Variants in ACACB observed in about 807,000 individuals in gnomAD.
ACACB encodes acetyl-CoA carboxylase beta, also known as acetyl-CoA carboxylase 2.
Under a neutral mutation model 278.8 loss-of-function variants are expected in ACACB, and 209 were observed. The ratio of observed to expected loss-of-function variants is 0.75; its 90% CI spans 0.67 to 0.84. The LOEUF is 0.84. ACACB is among the 40% of genes least tolerant of loss of function. The pLI, the probability that ACACB is intolerant of heterozygous loss-of-function variation, is 0.00. For missense variants in ACACB, 2,850 were observed against 3,269.0 expected, an observed-to-expected ratio of 0.87 and a Z score of 3.13; for synonymous variants, 1,174 against 1,285.6, an observed-to-expected ratio of 0.91 and a Z score of 1.86.
intron 19 of ACACB, among the ~76,000 whole-genome samples, chr12:109,204,097 G>A (rs187154789): frequency 1.3e-5 from 2 of 151,954 alleles, no homozygotes; most frequent in East Asian, 1.9e-4. Context: ...TGATCTTTTG[G>A]TATAGGCATA....
At chr12:109,210,220 C>CGTGTGTAT (rs1565927156) in intron 21 of ACACB, among the ~76,000 whole-genome samples, 1 of 30,620 alleles carries the variant, frequency 3.3e-5, no homozygotes, top group East Asian at 1.1e-3. Flanking sequence ...TATATACACA[C>CGTGTGTAT]ATGTGTGTAT....
upstream of ACACB, chr12:109,113,495 C>T (rs979902188): frequency 2.0e-5 from 3 of 152,198 alleles, no homozygotes; most frequent in Admixed American, 6.5e-5. Context: ...GTACTGGAAA[C>T]GTCCAGTTAT....
intron 4 of ACACB, among the ~76,000 whole-genome samples, chr12:109,168,428 A>G (rs1320633028): frequency 1.3e-5 from 2 of 152,180 alleles, no homozygotes; most frequent in East Asian, 3.9e-4. Flanking sequence ...TTTCCTGAAC[A>G]GTCTTATCCT....
intron 50 of ACACB, 104 bp from the exon 51 acceptor site, chr12:109,265,006 G>C: frequency 7.6e-7 from 1 of 1,307,562 alleles, no homozygotes; most frequent in Admixed American, 2.3e-5. Context: ...AATGATCTCA[G>C]AGCCTGGGCC....
chr12:109,140,932 T>A (rs902177082), intron 2 of ACACB, among the ~76,000 whole-genome samples: 1 of 144,962 alleles, frequency 6.9e-6, no homozygotes, highest in Admixed American at 7.0e-5. Context: ...GGTCTTACTC[T>A]GTCACTCTGT....
intron 45 of ACACB, among the ~76,000 whole-genome samples, chr12:109,258,020 CA>C (rs2136810975): frequency 6.6e-6 from 1 of 152,356 alleles, no homozygotes; most frequent in African/African-American, 2.4e-5. Flanking sequence ...TCTAGTGGTT[CA>C]TGCTGCTCCA....
At chr12:109,149,334 G>T (rs1176997449) in intron 2 of ACACB, among the ~76,000 whole-genome samples, 1 of 152,186 alleles carries the variant, frequency 6.6e-6, no homozygotes, top group Non-Finnish European at 1.5e-5. Context: ...TCAGGGGCCA[G>T]ACTGGACACT....
At chr12:109,260,399 G>C in intron 47 of ACACB, 81 bp from the exon 48 acceptor site, 1 of 1,556,162 alleles carries the variant, frequency 6.4e-7, no homozygotes, top group Admixed American at 1.7e-5. Flanking sequence ...ACTCTCCCAG[G>C]ACCCCCAGGA....
intron 2 of ACACB, among the ~76,000 whole-genome samples, chr12:109,146,023 TA>T (rs770794041): frequency 6.6e-6 from 1 of 152,054 alleles, no homozygotes; most frequent in Non-Finnish European, 1.5e-5. Flanking sequence ...AAAAAATTAT[TA>T]TTATTTTTTC....
chr12:109,191,058 G>A (rs1490517995), intron 13 of ACACB, among the ~76,000 whole-genome samples: 3 of 151,916 alleles, frequency 2.0e-5, no homozygotes, highest in Non-Finnish European at 2.9e-5. Flanking sequence ...TTCAATTCTC[G>A]AACACCCTCA....
At chr12:109,152,005 G>A (rs544555102) in intron 2 of ACACB, among the ~76,000 whole-genome samples, 2 of 152,268 alleles carry the variant, frequency 1.3e-5, no homozygotes, top group East Asian at 3.9e-4. Flanking sequence ...AAAATGCAAG[G>A]TCATGATCAC....
At chr12:109,238,419 T>A (rs1239293138) in intron 34 of ACACB, among the ~76,000 whole-genome samples, 2 of 138,532 alleles carry the variant, frequency 1.4e-5, no homozygotes, top group Non-Finnish European at 3.1e-5. Context: ...TATATAATAA[T>A]ATATATAATA....
intron 9 of ACACB, among the ~76,000 whole-genome samples, chr12:109,176,580 T>C (rs2044290463): frequency 1.3e-5 from 2 of 152,212 alleles, no homozygotes; most frequent in South Asian, 4.1e-4. Context: ...ATTTTATAAA[T>C]ATTAGTACTC....
At chr12:109,210,181 A>G (rs2045711036) in intron 21 of ACACB, among the ~76,000 whole-genome samples, 1 of 57,366 alleles carries the variant, frequency 1.7e-5, no homozygotes, top group African/African-American at 8.8e-5. Context: ...ATATGTATAT[A>G]TACACACGTG....
At chr12:109,204,210 A>T (rs1019643875) in intron 19 of ACACB, among the ~76,000 whole-genome samples, 1 of 151,506 alleles carries the variant, frequency 6.6e-6, no homozygotes, top group African/African-American at 2.4e-5. Context: ...TGGTTAGTTT[A>T]AAATGTACAG....
intron 6 of ACACB, 94 bp downstream of exon 6, chr12:109,172,450 G>A (rs1038056603): frequency 1.4e-5 from 17 of 1,211,122 alleles, no homozygotes; most frequent in African/African-American, 3.0e-5. Context: ...CCTGTAAAGC[G>A]GAGGTCCGTT....
chr12:109,195,152 G>T (rs576978220), intron 16 of ACACB, among the ~76,000 whole-genome samples: 35 of 152,226 alleles, frequency 2.3e-4, no homozygotes, highest in African/African-American at 7.9e-4. Context: ...GGGGTGAGCC[G>T]GCTGTGGCAT....
At chr12:109,125,791 A>C (rs1245112834) in intron 1 of ACACB, among the ~76,000 whole-genome samples, 2 of 152,262 alleles carry the variant, frequency 1.3e-5, no homozygotes, top group African/African-American at 4.8e-5. Context: ...GGAAATGAAC[A>C]GCAGAAATAG....
chr12:109,219,395 G>C (rs1207415276), intron 24 of ACACB, among the ~76,000 whole-genome samples: 2 of 152,156 alleles, frequency 1.3e-5, no homozygotes, highest in Non-Finnish European at 2.9e-5. Flanking sequence ...GAATCACCTA[G>C]GGGGTGGGGA....
Sources: gnomAD v4.1 joint callset for allele counts (sites outside exome capture counted in the v4.1 genomes callset) on GRCh38, gnomAD v4.1.1 for gene constraint, MANE v1.5 for transcripts, NCBI Gene and HGNC (gene_info 2026-07-23, HGNC 2026-07-21) for gene names.